The following CRTC1 variants were observed in gnomAD, a reference collection of about 807,000 sequenced individuals.
CRTC1 encodes CREB regulated transcription coactivator 1.
A neutral mutation model predicts 66.1 loss-of-function variants in CRTC1; 18 were observed. That is an observed-to-expected ratio of 0.27 (90% CI 0.19 to 0.40). The LOEUF (loss-of-function observed/expected upper bound fraction) is 0.40, where lower values mean the gene tolerates loss of function less well. CRTC1 is among the 10% of genes least tolerant of loss of function. The pLI is 1.00. For missense variants in CRTC1, 669 were observed against 887.9 expected (o/e 0.75, Z 3.13); for synonymous variants, 416 against 398.8 (o/e 1.04, Z -0.51).
At chr19:18,708,654 A>G (rs1036701726) in intron 1 of CRTC1, among the ~76,000 whole-genome samples, 2 of 152,148 alleles carry the variant, frequency 1.3e-5, no homozygotes, top group Admixed American at 1.3e-4. Context: ...CGTGAGAAAC[A>G]CAGAGGCCAA....
intron 1 of CRTC1, among the ~76,000 whole-genome samples, chr19:18,699,752 G>A (rs1259763163): frequency 6.6e-6 from 1 of 152,200 alleles, no homozygotes; most frequent in Non-Finnish European, 1.5e-5. Flanking sequence ...GTGGGCCAGG[G>A]TGAGGGGTTG....
Position 18,777,387 on chromosome 19 carries a change from G to A in CRTC1, c.*5G>A, listed in dbSNP as rs377181004. On this transcript the variant is annotated 3_prime_UTR_variant, in exon 14 of 14. Coordinates refer to ENST00000321949, the MANE Select transcript of CRTC1 (RefSeq NM_015321.3). The surrounding 1 kb of genome is among the most constrained non-coding windows in gnomAD (Gnocchi z 5.5). ...TTCCGGATGGACCGCCTGTGAGCGG[G>A]CACGCCGGCACCCTGCCGCTCAGCC... 6.2e-7 allele frequency: 1 copy of A among 1,600,384 alleles called. No homozygotes were observed. The highest frequency in any genetic ancestry group is 1.7e-5 in the Admixed American group (1 of 60,012).
At chr19:18,719,987 G>C (rs1373324614) in intron 1 of CRTC1, among the ~76,000 whole-genome samples, 1 of 152,232 alleles carries the variant, frequency 6.6e-6, no homozygotes, top group Non-Finnish European at 1.5e-5. Flanking sequence ...CCTGTTTCAA[G>C]TGGCCAGCAT....
chr19:18,721,493 T>C (rs796449660), intron 1 of CRTC1, among the ~76,000 whole-genome samples: 4 of 26,748 alleles, frequency 1.5e-4, no homozygotes, highest in African/African-American at 1.4e-3. Context: ...ACACCCGGCC[T>C]TTTTTTTTTT....
chr19:18,759,561 G>A lies in CRTC1; in HGVS notation c.635G>A (p.Arg212Lys), dbSNP rs1165220781. The A allele has an allele frequency of 1.2e-6, 2 of 1,612,968 alleles. No individual in the cohort carries two copies. The highest frequency in any genetic ancestry group is 1.1e-5 in the South Asian group (1 of 90,912). The change falls in exon 7 of 14, where the codon AGG (arginine) becomes AAG (lysine). Residue 212 changes from arginine (R) to lysine (K), a missense_variant. This residue lies in a region of CRTC1 where 214 missense variants were observed against 323.4 expected (regional missense o/e 0.66). Transcript: ENST00000321949. ...TGTCTTCTCTTTCAGACGGGGTCCA[G>A]GCCCAAGTCCTGTGAGGTCCCCGGA... ...QAWDTKKTGSRPKSCEVPGIN... is the reference protein window; with the variant it reads ...QAWDTKKTGSKPKSCEVPGIN...
At chr19:18,734,526 G>GAA (rs112158816) in intron 1 of CRTC1, among the ~76,000 whole-genome samples, 1,301 of 122,800 alleles carry the variant, frequency 0.011, 19 homozygotes, top group African/African-American at 0.034. Flanking sequence ...TCTACAGAAA[G>GAA]AAAAAAAAAA....
chr19:18,751,041 C>A (rs2145766538), intron 5 of CRTC1, among the ~76,000 whole-genome samples: 1 of 152,284 alleles, frequency 6.6e-6, no homozygotes, highest in African/African-American at 2.4e-5. Flanking sequence ...GAGTGGGGGC[C>A]TGGCAGGGAC....
chr19:18,771,359 A>T lies in CRTC1; in HGVS notation c.1321-83A>T. Reference sequence around the variant, plus strand: ...GGCGGGGGGACCTGCCTGGGGGCTGATCAGGCTGCTCCCGGGAAGCAGGGA... The same window carrying T: ...GGCGGGGGGACCTGCCTGGGGGCTGTTCAGGCTGCTCCCGGGAAGCAGGGA... On this transcript the variant is annotated intron_variant, in intron 10 of 13. Transcript: ENST00000321949. The surrounding 1 kb of genome is among the most constrained non-coding windows in gnomAD (Gnocchi z 4.6). 3 of 1,226,230 alleles carry T rather than the reference A, an allele frequency of 2.4e-6. No homozygotes were observed. The highest frequency in any genetic ancestry group is 3.4e-6 in the Non-Finnish European group (3 of 872,826). 76.0% of individuals were successfully genotyped at this position (1,226,230 alleles called of 1,614,324 possible).
chr19:18,764,852 C>T (rs1374970251), intron 8 of CRTC1, among the ~76,000 whole-genome samples: 2 of 152,150 alleles, frequency 1.3e-5, no homozygotes, highest in African/African-American at 4.8e-5. Context: ...GCAAGATCCA[C>T]GAGGTGGTGG....
intron 1 of CRTC1, among the ~76,000 whole-genome samples, chr19:18,695,297 G>T (rs541718808): frequency 6.6e-6 from 1 of 152,236 alleles, no homozygotes; most frequent in South Asian, 2.1e-4. Context: ...GAGCCACTGC[G>T]CCCGGCCTGG....
At chr19:18,745,985 G>A (rs1451744920) in intron 3 of CRTC1, 25 bp downstream of exon 3, 2 of 1,592,774 alleles carry the variant, frequency 1.3e-6, no homozygotes, top group Admixed American at 3.4e-5. Flanking sequence ...AGAGGATGAG[G>A]GTGGGGGCCA....
chr19:18,748,844 C>G (rs1219726320), intron 4 of CRTC1, among the ~76,000 whole-genome samples: 1 of 151,982 alleles, frequency 6.6e-6, no homozygotes, highest in Non-Finnish European at 1.5e-5. Flanking sequence ...TCACCAAGCC[C>G]GTATCATAGG....
intron 1 of CRTC1, among the ~76,000 whole-genome samples, chr19:18,706,696 G>A (rs1440629530): frequency 1.3e-5 from 2 of 151,830 alleles, no homozygotes; most frequent in Non-Finnish European, 2.9e-5. Flanking sequence ...CTATTTCTGC[G>A]AAAAAGGATA....
chr19:18,757,161 C>G (rs2054508142), intron 6 of CRTC1, among the ~76,000 whole-genome samples: 1 of 152,138 alleles, frequency 6.6e-6, no homozygotes, highest in Admixed American at 6.5e-5. Flanking sequence ...GCCCCAGGGC[C>G]CCAGGGGCGG....
intron 1 of CRTC1, among the ~76,000 whole-genome samples, chr19:18,684,703 G>A (rs1341945143): frequency 6.6e-6 from 1 of 152,178 alleles, no homozygotes; most frequent in Non-Finnish European, 1.5e-5. Flanking sequence ...TGGAGGGCCA[G>A]GTCTGCCTCA....
At chr19:18,733,358 G>A (rs991245581) in intron 1 of CRTC1, among the ~76,000 whole-genome samples, 1 of 152,176 alleles carries the variant, frequency 6.6e-6, no homozygotes, top group Non-Finnish European at 1.5e-5. Context: ...CCCTTCACAC[G>A]TCCCAGCCGC....
intron 1 of CRTC1, among the ~76,000 whole-genome samples, chr19:18,725,194 C>T (rs562505303): frequency 2.6e-5 from 4 of 152,318 alleles, no homozygotes; most frequent in Admixed American, 2.6e-4. Context: ...CCCTGCCTGG[C>T]CCCTCATGGC....
rs57708407 is a variant in CRTC1 at position 18,726,929 on chromosome 19, G to GAAA, written c.127-15960_127-15958dup. On this transcript the variant is annotated intron_variant, in intron 1 of 13. Coordinates refer to ENST00000321949, the MANE Select transcript of CRTC1 (RefSeq NM_015321.3). ...TAACAGAGAAAGACTCCGTCTTGGG[G>GAAA]AAAAAAAAAAAAAAAAAAAAAAAGA... Among the ~76,000 whole-genome samples the GAAA allele has an allele frequency of 8.7e-3, 975 of 111,852 alleles. 12 individuals are homozygous for GAAA. The highest frequency in any genetic ancestry group is 0.013 in the Non-Finnish European group (730 of 57,852). 73.4% of individuals were successfully genotyped at this position (111,852 alleles called of 152,430 possible).
rs779149265 is a variant in CRTC1, at chr19:18,775,760, G to A, written c.1632G>A (p.Leu544=). 1.2e-6 allele frequency: 2 copies of A among 1,611,876 alleles called. No homozygotes were observed. The highest frequency in any genetic ancestry group is 4.5e-5 in the East Asian group (2 of 44,866). The change falls in exon 13 of 14, where the codon CTG becomes CTA. Residue 544 remains leucine (L), a synonymous_variant. Transcript: ENST00000321949. ...MMGLTGSHGS[L]PDSQQLGYAS... The stretch of plus-strand genomic sequence containing the variant: ...GCCTCACGGGCAGCCACGGGAGCCT[G>A]CCGGACTCGCAGCAACTGGGATACG...
Sources: allele counts gnomAD v4.1 joint callset (sites outside exome capture counted in the v4.1 genomes callset), GRCh38; gene constraint gnomAD v4.1.1; regional missense constraint gnomAD v4.1.1; non-coding constraint Gnocchi (gnomAD v3.1); transcripts MANE v1.5; gene names NCBI Gene and HGNC (gene_info 2026-07-23, HGNC 2026-07-21).